Variants in FBXL13 observed in about 807,000 individuals in gnomAD.
FBXL13 encodes F-box and leucine-rich repeat protein 13.
A neutral mutation model predicts 83.6 loss-of-function variants in FBXL13; 67 were observed. The ratio of observed to expected loss-of-function variants is 0.80; its 90% confidence interval spans 0.66 to 0.98. The LOEUF (loss-of-function observed/expected upper bound fraction) is 0.98, where lower values mean the gene tolerates loss of function less well. Ranked by LOEUF, FBXL13 falls within the 50% of genes least tolerant of loss-of-function variation. The probability of loss-of-function intolerance (pLI) is 0.00; values close to 1 mark genes in which losing one functional copy is unlikely to be tolerated. For missense variants in FBXL13, 822 were observed against 866.5 expected (o/e 0.95, Z 0.64); for synonymous variants, 272 against 299.5 (o/e 0.91, Z 0.95).
intron 6 of FBXL13, among the ~76,000 whole-genome samples, chr7:102,982,041 T>C (rs1209183954): frequency 6.6e-6 from 1 of 152,104 alleles, no homozygotes; most frequent in African/African-American, 2.4e-5. Flanking sequence ...CGGGCACATA[T>C]AGATACACTC....
At chr7:103,039,556 A>G (rs557381015) in intron 2 of FBXL13, among the ~76,000 whole-genome samples, 1 of 152,304 alleles carries the variant, frequency 6.6e-6, no homozygotes, top group East Asian at 1.9e-4. Context: ...GAGGGAAAAA[A>G]TGTTAAGGGC....
At chr7:102,875,510 G>T (rs907331670) in intron 16 of FBXL13, among the ~76,000 whole-genome samples, 5 of 152,110 alleles carry the variant, frequency 3.3e-5, no homozygotes, top group African/African-American at 1.2e-4. Flanking sequence ...GAACCCCCGG[G>T]TAGGCTTGGG....
At position 103,004,650 on chromosome 7, in the gene FBXL13, C is replaced by G. The variant is rs190473178; in HGVS notation, c.495+20413G>C. Among the ~76,000 whole-genome samples the G allele has an allele frequency of 3.1e-3, 477 of 152,314 alleles. 2 individuals carry two copies. Among genetic ancestry groups the G allele is most frequent in the Non-Finnish European group, 2.7e-3 (183 of 68,026 alleles). ...AGGCTGGCTGGCTGCCTCAATTTCA[C>G]TTTTTCCAGTGTGGAAATTGAGTTG... On this transcript the variant is annotated intron_variant, in intron 6 of 19. Coordinates refer to ENST00000313221, the Ensembl canonical transcript of FBXL13.
chr7:102,998,392 A>G (rs1020861135), intron 6 of FBXL13, among the ~76,000 whole-genome samples: 1 of 152,100 alleles, frequency 6.6e-6, no homozygotes, highest in African/African-American at 2.4e-5. Context: ...AGCATGGGCT[A>G]TCTTTCCATT....
At chr7:102,970,923 A>G (rs920913340) in intron 6 of FBXL13, among the ~76,000 whole-genome samples, 1 of 152,232 alleles carries the variant, frequency 6.6e-6, no homozygotes, top group Non-Finnish European at 1.5e-5. Context: ...GATGAAAAAT[A>G]TAAAGGATGC....
intron 11 of FBXL13, among the ~76,000 whole-genome samples, chr7:102,903,113 T>C (rs541574551): frequency 5.3e-5 from 8 of 152,230 alleles, no homozygotes; most frequent in African/African-American, 1.7e-4. Context: ...CAGTGTTTCA[T>C]AGTTTTCATT....
intron 9 of FBXL13, 57 bp from the exon 11 acceptor site, chr7:102,926,431 C>T: frequency 7.4e-7 from 1 of 1,359,198 alleles, no homozygotes. Context: ...TTGCAATTTC[C>T]CCATTATCTT....
chr7:102,889,044 T>C (rs955799870), intron 11 of FBXL13, among the ~76,000 whole-genome samples: 9 of 152,234 alleles, frequency 5.9e-5, no homozygotes, highest in Admixed American at 3.9e-4. Flanking sequence ...GTCTGGCATG[T>C]AATATTGTTA....
At chr7:102,959,898 T>C (rs1260296231) in intron 8 of FBXL13, among the ~76,000 whole-genome samples, 4 of 152,106 alleles carry the variant, frequency 2.6e-5, no homozygotes, top group African/African-American at 4.8e-5. Context: ...AGTGGATCTA[T>C]ATGCACTGAC....
Position 103,063,938 on chromosome 7 carries a change from G to A in FBXL13, c.-104-8191C>T, listed in dbSNP as rs1216427280. On this transcript the variant is annotated intron_variant, in intron 1 of 19. Coordinates refer to ENST00000313221, the Ensembl canonical transcript of FBXL13. ...TCAAGTAACAAACTCAACTTAATAC[G>A]TACTCTATTAGCTCCTACAAGAAAT... Among the ~76,000 whole-genome samples the A allele has an allele frequency of 4.6e-5, 7 of 152,170 alleles. No homozygotes were observed. The East Asian group carries it at 1.2e-3, about 25-fold the overall frequency.
intron 8 of FBXL13, among the ~76,000 whole-genome samples, chr7:102,938,381 G>A (rs559167544): frequency 6.6e-6 from 1 of 152,302 alleles, no homozygotes; most frequent in East Asian, 1.9e-4. Flanking sequence ...GGCCATTTAT[G>A]TCTCTTTTCT....
At chr7:102,934,325 C>T (rs942809889) in intron 8 of FBXL13, 2 of 1,614,016 alleles carry the variant, frequency 1.2e-6, no homozygotes, top group African/African-American at 1.3e-5. Flanking sequence ...CTTACTGCAG[C>T]ACAACCAGAT....
intron 6 of FBXL13, among the ~76,000 whole-genome samples, chr7:102,970,513 G>A (rs1242028890): frequency 6.6e-6 from 1 of 152,000 alleles, no homozygotes; most frequent in African/African-American, 2.4e-5. Flanking sequence ...AATAACTCTG[G>A]GACATTTGGC....
At chr7:102,824,615 A>G (rs962153420) in intron 18 of FBXL13, among the ~76,000 whole-genome samples, 2 of 151,786 alleles carry the variant, frequency 1.3e-5, no homozygotes, top group South Asian at 4.2e-4. Context: ...CCTCCTGTGT[A>G]GCTGGGATTA....
chr7:103,004,397 G>A (rs1370399743), intron 6 of FBXL13, among the ~76,000 whole-genome samples: 1 of 152,190 alleles, frequency 6.6e-6, no homozygotes, highest in Non-Finnish European at 1.5e-5. Flanking sequence ...CTGGCTAGAG[G>A]TTTGTGCCCA....
rs1269584320 is a variant in FBXL13, at chr7:103,066,173, G to GA, written c.-105+8072dup. On this transcript the variant is annotated intron_variant, in intron 1 of 19. Transcript: ENST00000313221. ...ATAATCAGCTGTCTAGTTTTATGGG[G>GA]AAAAAAATTTTAGACTTTAACTAAA... Among the ~76,000 whole-genome samples, 3 of 152,084 alleles carry GA rather than the reference G, an allele frequency of 2.0e-5. No homozygotes were observed. The East Asian group carries it at 5.8e-4, about 29-fold the overall frequency.
intron 2 of FBXL13, chr7:103,046,897 A>T (rs1796335801): frequency 6.6e-6 from 1 of 152,232 alleles, no homozygotes; most frequent in African/African-American, 2.4e-5. Context: ...CAAGGTTCCA[A>T]AGTTTTGTTG....
intron 6 of FBXL13, chr7:102,973,639 G>A: frequency 1.3e-6 from 1 of 766,190 alleles, no homozygotes; most frequent in Non-Finnish European, 2.4e-6. Context: ...ACCCGGGAGG[G>A]GCTCCGGTCT....
chr7:102,822,823 AGC>A (rs1798990302), intron 18 of FBXL13, among the ~76,000 whole-genome samples: 1 of 152,242 alleles, frequency 6.6e-6, no homozygotes, highest in African/African-American at 2.4e-5. Context: ...CTATGATCCC[AGC>A]ACTTTGGTAG....
Sources: allele counts gnomAD v4.1 joint callset (sites outside exome capture counted in the v4.1 genomes callset), GRCh38; gene constraint gnomAD v4.1.1; transcripts MANE v1.5; gene names NCBI Gene and HGNC (gene_info 2026-07-23, HGNC 2026-07-21).